CAPN2: variants seen among roughly 807,000 people sequenced by gnomAD.
CAPN2 encodes the protein calpain 2.
A neutral mutation model predicts 102.3 loss-of-function variants in CAPN2; 92 were observed. The ratio of observed to expected loss-of-function variants is 0.90; its 90% CI spans 0.76 to 1.07. CAPN2 has a LOEUF of 1.07. Ranked by LOEUF, CAPN2 falls within the 50% of genes least tolerant of loss-of-function variation. The pLI is 0.00. For synonymous variants in CAPN2, 340 were observed against 355.4 expected, an observed-to-expected ratio of 0.96 and a Z score of 0.49; for missense variants, 800 against 909.4, an observed-to-expected ratio of 0.88 and a Z score of 1.55.
At chr1:223,711,242 T>TTC (rs1196945430), upstream of CAPN2, among the ~76,000 whole-genome samples, 3 of 152,164 alleles carry the variant, frequency 2.0e-5, no homozygotes, top group African/African-American at 7.2e-5. Flanking sequence ...ATGCACAGTT[T>TTC]TCCAGTGAAA....
intron 6 of CAPN2, chr1:223,749,609 T>C (rs900833298): frequency 1.2e-5 from 2 of 168,648 alleles, no homozygotes; most frequent in African/African-American, 4.8e-5. Flanking sequence ...ATAATATCCA[T>C]TGGAAGGTCG....
chr1:223,745,034 T>C (rs933710126), intron 3 of CAPN2, among the ~76,000 whole-genome samples: 5 of 139,182 alleles, frequency 3.6e-5, no homozygotes, highest in African/African-American at 1.3e-4. Context: ...AGAGCAAGAC[T>C]TGGTCTCAAA....
In CAPN2 at chr1:223,732,984, T is replaced by C. The variant is rs74412458; in HGVS notation, c.308-11116T>C. On this transcript the variant is annotated intron_variant, in intron 2 of 20. Transcript: ENST00000295006. ...CAAATAAAGGGACTAAAGAAAACAATAAGAAAACCCAGTTATTTCCTGGGG... is the reference window on the plus strand; with the variant it reads ...CAAATAAAGGGACTAAAGAAAACAACAAGAAAACCCAGTTATTTCCTGGGG... Among the ~76,000 whole-genome samples, 1,107 of 152,266 alleles carry C rather than the reference T, an allele frequency of 7.3e-3. 36 individuals carry two copies. In the East Asian group the frequency reaches 0.11, roughly 16 times the overall value.
upstream of CAPN2, among the ~76,000 whole-genome samples, chr1:223,709,828 TG>T (rs1659693836): frequency 6.6e-6 from 1 of 152,230 alleles, no homozygotes; most frequent in South Asian, 2.1e-4. Context: ...GGGACTGTAG[TG>T]CCTCTACTGG....
chr1:223,747,474 G>T (rs1328016962), intron 5 of CAPN2, among the ~76,000 whole-genome samples: 1 of 152,322 alleles, frequency 6.6e-6, no homozygotes, highest in Middle Eastern at 3.4e-3. Context: ...AGGGAGATGG[G>T]GAGGTGCGGA....
At chr1:223,752,759 T>A in intron 8 of CAPN2, 37 bp from the exon 9 acceptor site, 1 of 1,610,296 alleles carries the variant, frequency 6.2e-7, no homozygotes, top group East Asian at 2.2e-5. Flanking sequence ...CAGTGTGTCT[T>A]CTTATCACCT....
chr1:223,704,369 A>C (rs1226501402), intron 1 of CAPN2, among the ~76,000 whole-genome samples: 1 of 152,212 alleles, frequency 6.6e-6, no homozygotes, highest in Non-Finnish European at 1.5e-5. Context: ...TGAATCTCAA[A>C]GTGTGAAACG....
chr1:223,751,276 A>G (rs578067007), intron 7 of CAPN2, among the ~76,000 whole-genome samples: 1 of 152,234 alleles, frequency 6.6e-6, no homozygotes, highest in East Asian at 1.9e-4. Context: ...TGGGGCTTTC[A>G]GGGAAAAAAA....
At chr1:223,730,395 G>C (rs1660309039) in intron 2 of CAPN2, among the ~76,000 whole-genome samples, 1 of 66,252 alleles carries the variant, frequency 1.5e-5, no homozygotes. Context: ...TTTATGTGTG[G>C]CCCAAGACAA....
Position 223,726,856 on chromosome 1 carries a change from A to C in CAPN2, c.307+9025A>C, listed in dbSNP as rs1660206686. ...TTTCTGGGCTGCTGCCAGACTCTGAAATGAGTAACAAAGGGATGGCCCAGG... is the reference window on the plus strand; with the variant it reads ...TTTCTGGGCTGCTGCCAGACTCTGACATGAGTAACAAAGGGATGGCCCAGG... On this transcript the variant is annotated intron_variant, in intron 2 of 20. Transcript: ENST00000295006. This position sits in a 1 kb window ranked among gnomAD's most constrained non-coding sequence, Gnocchi z 4.4. Among the ~76,000 whole-genome samples the C allele has an allele frequency of 6.6e-6, 1 of 152,138 alleles. No homozygotes were observed. Among genetic ancestry groups the C allele is most frequent in the African/African-American group, 2.4e-5 (1 of 41,426 alleles).
chr1:223,712,565 T>C lies in CAPN2; in HGVS notation c.-76T>C. ...GTGGCCGCAGCAGCGCGCCGGGCCC[T>C]GGCCGCGCCCCAGCCGAGCGCAGCG... is the stretch of plus-strand genomic sequence containing the variant. On this transcript the variant is annotated 5_prime_UTR_variant, in exon 1 of 21. Coordinates refer to ENST00000295006, the MANE Select transcript of CAPN2 (RefSeq NM_001748.5). 3 of 1,343,874 alleles carry C rather than the reference T, an allele frequency of 2.2e-6. No individual in the cohort carries two copies. The highest frequency in any genetic ancestry group is 1.9e-5 in the South Asian group (1 of 51,546). The allele number at this position is 1,343,874 out of a possible 1,614,324, so 83.2% of individuals were successfully genotyped here.
chr1:223,754,208 G>A lies in CAPN2; in HGVS notation c.1135+1252G>A, dbSNP rs28370089. ...GATGAGGAAGCTGAGCCTCTAAGTC[G>A]CATACCAGGGCCACAGAGCAAGTAG... On this transcript the variant is annotated intron_variant, in intron 9 of 20. Transcript: ENST00000295006. This position sits in a 1 kb window ranked among gnomAD's most constrained non-coding sequence, Gnocchi z 4.7. Among the ~76,000 whole-genome samples the A allele has an allele frequency of 3.9e-5, 6 of 152,158 alleles. No individual in the cohort carries two copies. Among genetic ancestry groups the A allele is most frequent in the Non-Finnish European group, 7.3e-5 (5 of 68,036 alleles).
upstream of CAPN2, among the ~76,000 whole-genome samples, chr1:223,710,268 G>C (rs1558377928): frequency 6.6e-6 from 1 of 152,072 alleles, no homozygotes; most frequent in African/African-American, 2.4e-5. Context: ...CTGGGTGACA[G>C]GGTGCTACAT....
In CAPN2 at chr1:223,759,684, C is replaced by T. The variant is rs532743299; in HGVS notation, c.1529+203C>T. ...GTAAGGTAAACAATGGAAAAAGCCA[C>T]TGTGGATATTTTTGGTTGGAAAGGG... On this transcript the variant is annotated intron_variant, in intron 12 of 20. Transcript: ENST00000295006. The surrounding 1 kb of genome is among the most constrained non-coding windows in gnomAD (Gnocchi z 4.6). Among the ~76,000 whole-genome samples, 2 of 152,314 alleles carry T rather than the reference C, an allele frequency of 1.3e-5. No individual in the cohort carries two copies. Among genetic ancestry groups the T allele is most frequent in the African/African-American group, 4.8e-5 (2 of 41,570 alleles).
chr1:223,773,746 C>T (rs1376260016), intron 20 of CAPN2, among the ~76,000 whole-genome samples: 1 of 151,924 alleles, frequency 6.6e-6, no homozygotes, highest in Non-Finnish European at 1.5e-5. Flanking sequence ...AAATACGTTA[C>T]TCTGGAGGCT....
At chr1:223,708,434 A>AG (rs1213727765), upstream of CAPN2, among the ~76,000 whole-genome samples, 1 of 151,552 alleles carries the variant, frequency 6.6e-6, no homozygotes, top group African/African-American at 2.4e-5. Context: ...AAAAAAAAAA[A>AG]AAAATCCAGA....
At position 223,775,115 on chromosome 1, in the gene CAPN2, C is replaced by A. The variant is rs28370177; in HGVS notation, c.*258C>A. On this transcript the variant is annotated 3_prime_UTR_variant, in exon 21 of 21. Coordinates refer to ENST00000295006, the MANE Select transcript of CAPN2 (RefSeq NM_001748.5). ...GACAAGGTCAAAGAAAGCTTTAAAT[C>A]TGTAAATAGTATACACTTTTTACTT... The A allele has an allele frequency of 6.1e-3, 3,057 of 502,674 alleles. 127 individuals carry two copies. The East Asian group carries it at 0.086, about 14-fold the overall frequency. 31.1% of individuals were successfully genotyped at this position (502,674 alleles called of 1,614,324 possible).
At chr1:223,773,515 G>A (rs909281819) in intron 20 of CAPN2, among the ~76,000 whole-genome samples, 3 of 152,178 alleles carry the variant, frequency 2.0e-5, no homozygotes, top group Non-Finnish European at 4.4e-5. Flanking sequence ...GTAACATGGA[G>A]AAACCCCATC....
chr1:223,752,972 T>C lies in CAPN2; in HGVS notation c.1135+16T>C, dbSNP rs757590580. 1.9e-6 allele frequency: 3 copies of C among 1,612,912 alleles called. No homozygotes were observed. Among genetic ancestry groups the C allele is most frequent in the Non-Finnish European group, 2.5e-6 (3 of 1,179,442 alleles). On this transcript the variant is annotated intron_variant, in intron 9 of 20. Coordinates refer to ENST00000295006, the MANE Select transcript of CAPN2 (RefSeq NM_001748.5). The stretch of plus-strand genomic sequence containing the variant: ...AACTACCCGAGTAAGGGCTGTTGCA[T>C]ATAAGGGCTGTTGCAATGCGGGGCC...
Sources: allele counts gnomAD v4.1 joint callset (sites outside exome capture counted in the v4.1 genomes callset), GRCh38; gene constraint gnomAD v4.1.1; non-coding constraint Gnocchi (gnomAD v3.1); transcripts MANE v1.5; gene names NCBI Gene and HGNC (gene_info 2026-07-23, HGNC 2026-07-21).